Variants in DNAH7 observed in about 807,000 individuals in gnomAD.
The protein encoded by DNAH7 is dynein axonemal heavy chain 7, also known as axonemal beta dynein heavy chain 7.
Under a neutral mutation model 444.6 loss-of-function variants are expected in DNAH7, and 397 were observed. That is an observed-to-expected ratio of 0.89 (90% CI 0.82 to 0.97). The LOEUF is 0.97. DNAH7 is among the 50% of genes least tolerant of loss of function. DNAH7 has a pLI of 0.00. For synonymous variants in DNAH7, 1,636 were observed against 1,624.4 expected (o/e 1.01, Z -0.17); for missense variants, 4,902 against 4,800.8 (o/e 1.02, Z -0.62).
chr2:195,748,438 C>T (rs567524410), intron 63 of DNAH7, among the ~76,000 whole-genome samples: 1 of 152,244 alleles, frequency 6.6e-6, no homozygotes, highest in South Asian at 2.1e-4. Context: ...TCAATGCTAT[C>T]CCCATCAAGC....
chr2:195,809,755 T>C lies in DNAH7; in HGVS notation c.9878A>G (p.His3293Arg). 1 of 1,587,866 alleles carries C rather than the reference T, an allele frequency of 6.3e-7. No individual in the cohort carries two copies. Among genetic ancestry groups the C allele is most frequent in the Middle Eastern group, 1.7e-4 (1 of 5,954 alleles). Reference sequence around the variant, plus strand: ...GAAAACAGTACTGACCGCCCGCTCATGCAGCAGTAGATTTATGGTTAGACA... The same window carrying C: ...GAAAACAGTACTGACCGCCCGCTCACGCAGCAGTAGATTTATGGTTAGACA... ...SFCLTINLLL[H>R]ERAINKAEWR... is the part of the protein sequence containing the mutation. Residue 3293 changes from histidine (H) to arginine (R), a missense_variant, in exon 52 of 65, where the codon CAT becomes CGT. Coordinates refer to ENST00000312428, the MANE Select transcript of DNAH7 (RefSeq NM_018897.3).
At chr2:195,935,956 T>A (rs997256739) in intron 20 of DNAH7, among the ~76,000 whole-genome samples, 1 of 149,910 alleles carries the variant, frequency 6.7e-6, no homozygotes, top group African/African-American at 2.5e-5. Context: ...AGGAGATGAA[T>A]AGGAAGGATA....
At chr2:195,764,785 A>C (rs571615570) in intron 61 of DNAH7, among the ~76,000 whole-genome samples, 1 of 152,118 alleles carries the variant, frequency 6.6e-6, no homozygotes, top group African/African-American at 2.4e-5. Context: ...GGAAGAATCA[A>C]TATTGTTAAA....
chr2:195,789,116 T>C (rs1031663684), intron 57 of DNAH7, among the ~76,000 whole-genome samples: 1 of 152,088 alleles, frequency 6.6e-6, no homozygotes, highest in African/African-American at 2.4e-5. Flanking sequence ...GCCTGGAACA[T>C]CTTATGCCAG....
intron 9 of DNAH7, 148 bp downstream of exon 9, chr2:196,019,022 T>C (rs1335719164): frequency 2.0e-6 from 2 of 988,570 alleles, no homozygotes. Context: ...TATACTTCTT[T>C]GTTGTTTATT....
chr2:196,016,716 T>C (rs917001221), intron 9 of DNAH7, among the ~76,000 whole-genome samples: 4 of 152,104 alleles, frequency 2.6e-5, no homozygotes, highest in Admixed American at 6.6e-5. Flanking sequence ...AGTTCCACAG[T>C]GTGCAAATGA....
At chr2:195,916,807 A>T (rs1282086420) in intron 24 of DNAH7, among the ~76,000 whole-genome samples, 1 of 150,970 alleles carries the variant, frequency 6.6e-6, no homozygotes, top group Non-Finnish European at 1.5e-5. Context: ...GCAGTGAGTC[A>T]AGATTGCGTC....
intron 12 of DNAH7, 115 bp from the exon 13 acceptor site, chr2:195,988,344 T>C: frequency 1.1e-6 from 1 of 942,138 alleles, no homozygotes; most frequent in Non-Finnish European, 1.5e-6. Flanking sequence ...CACAAGGTTG[T>C]TTTAACTGTT....
chr2:195,973,883 T>G (rs1196714432), intron 15 of DNAH7, among the ~76,000 whole-genome samples: 1 of 151,234 alleles, frequency 6.6e-6, no homozygotes, highest in Non-Finnish European at 1.5e-5. Context: ...AGGTCAAGAG[T>G]TCAAAACATG....
intron 57 of DNAH7, among the ~76,000 whole-genome samples, chr2:195,792,879 G>A (rs1695953352): frequency 6.6e-6 from 1 of 151,938 alleles, no homozygotes; most frequent in South Asian, 2.1e-4. Context: ...ATATTAACAG[G>A]AGATGAATAT....
intron 8 of DNAH7, among the ~76,000 whole-genome samples, chr2:196,023,008 C>T (rs1695472011): frequency 1.3e-5 from 2 of 151,762 alleles, no homozygotes; most frequent in Non-Finnish European, 2.9e-5. Flanking sequence ...CCAGCACAGT[C>T]CCTGATATAG....
intron 10 of DNAH7, among the ~76,000 whole-genome samples, chr2:196,011,986 A>T (rs1053349924): frequency 6.6e-5 from 10 of 152,192 alleles, no homozygotes; most frequent in African/African-American, 2.2e-4. Context: ...ATACTAATAT[A>T]AAATAAAAGG....
chr2:196,005,303 C>CAAAA (rs969143318), intron 10 of DNAH7, among the ~76,000 whole-genome samples: 23 of 140,756 alleles, frequency 1.6e-4, no homozygotes, highest in African/African-American at 6.6e-4. Flanking sequence ...AACAAACAAA[C>CAAAA]AAAAATATAT....
chr2:195,744,348 C>A (rs950191001), intron 63 of DNAH7, among the ~76,000 whole-genome samples: 1 of 152,224 alleles, frequency 6.6e-6, no homozygotes. Context: ...CCTAGGTAAA[C>A]AAAGCAGCCA....
intron 27 of DNAH7, chr2:195,902,452 A>G (rs1473680692): frequency 6.6e-6 from 1 of 152,224 alleles, no homozygotes; most frequent in Non-Finnish European, 1.5e-5. Flanking sequence ...GGTTCTCAAC[A>G]ACTACTTTTT....
rs765752325 is a variant in DNAH7, at chr2:195,806,737, T to A, written c.10176+3A>T. Reference sequence around the variant, plus strand: ...TTGAGCTGTTTTCAAAGCCCACATTTACCTTGTCTGGCCTCAAGCAACGAA... The same window carrying A: ...TTGAGCTGTTTTCAAAGCCCACATTAACCTTGTCTGGCCTCAAGCAACGAA... On this transcript the variant is annotated splice_donor_region_variant and intron_variant, in intron 54 of 64. Coordinates refer to ENST00000312428, the MANE Select transcript of DNAH7 (RefSeq NM_018897.3). 2 of 1,612,582 alleles carry A rather than the reference T, an allele frequency of 1.2e-6. No individual in the cohort carries two copies. The highest frequency in any genetic ancestry group is 2.7e-5 in the African/African-American group (2 of 74,998).
intron 5 of DNAH7, among the ~76,000 whole-genome samples, chr2:196,046,540 A>G (rs971492674): frequency 5.3e-5 from 8 of 152,192 alleles, no homozygotes; most frequent in African/African-American, 1.4e-4. Context: ...AGAAAACAAT[A>G]TAAGTGGGGA....
At chr2:196,020,116 TTTC>T (rs1360780320) in intron 8 of DNAH7, among the ~76,000 whole-genome samples, 1 of 152,170 alleles carries the variant, frequency 6.6e-6, no homozygotes, top group African/African-American at 2.4e-5. Context: ...TTAATAAAAT[TTTC>T]TTTTCTCTAG....
rs749780874 is a variant in DNAH7 at position 195,876,643 on chromosome 2, GAAGTT to G, written c.6013_6017del (p.Asn2005LeufsTer39). The G allele has an allele frequency of 6.2e-7, 1 of 1,610,778 alleles. No individual in the cohort carries two copies. Among genetic ancestry groups the G allele is most frequent in the South Asian group, 1.1e-5 (1 of 90,964 alleles). On this transcript the variant is annotated frameshift_variant, in exon 37 of 65. Coordinates refer to ENST00000312428, the MANE Select transcript of DNAH7 (RefSeq NM_018897.3). LOFTEE classifies it high-confidence loss of function. ...TTTGAGCTGCTGTAGTTTGTGCTGA[GAAGTT>G]AATTAGCAGAGGTTTGTAGATTTCC... is the stretch of plus-strand genomic sequence containing the variant.
Sources: allele counts gnomAD v4.1 joint callset (sites outside exome capture counted in the v4.1 genomes callset), GRCh38; gene constraint gnomAD v4.1.1; transcripts MANE v1.5; gene names NCBI Gene and HGNC (gene_info 2026-07-23, HGNC 2026-07-21).